Variants in ZNF583 observed in about 807,000 individuals in gnomAD.
ZNF583 encodes zinc finger protein 583.
A neutral mutation model predicts 55.3 loss-of-function variants in ZNF583; 30 were observed. The ratio of observed to expected loss-of-function variants is 0.54; its 90% CI spans 0.41 to 0.74. ZNF583 has a LOEUF of 0.74. Among genes scored for constraint, ZNF583 ranks in the 30% least tolerant of loss-of-function variants. The pLI, the probability that ZNF583 is intolerant of heterozygous loss-of-function variation, is 0.00. For synonymous variants in ZNF583, 208 were observed against 220.0 expected, an observed-to-expected ratio of 0.95 and a Z score of 0.48; for missense variants, 504 against 664.7, an observed-to-expected ratio of 0.76 and a Z score of 2.66.
At chr19:56,421,730 A>T (rs142119384) in intron 4 of ZNF583, among the ~76,000 whole-genome samples, 1 of 152,296 alleles carries the variant, frequency 6.6e-6, no homozygotes, top group East Asian at 1.9e-4. Flanking sequence ...CTATCTGTCC[A>T]GGCTATTTTA....
In ZNF583 at chr19:56,423,025, C is replaced by A; in HGVS notation, c.367C>A (p.Gln123Lys). The change falls in exon 5 of 5, where the codon CAA becomes AAA. Residue 123 changes from glutamine to lysine, a missense_variant. By Grantham distance (53) the Gln-to-Lys change is moderately conservative. Coordinates refer to ENST00000333201, the MANE Select transcript of ZNF583 (RefSeq NM_152478.3). ...CTATCCCAGTTTGAGAGAAGACTGTCAAAGTGAGGACTGGTATAAGAACCA... is the reference window on the plus strand; with the variant it reads ...CTATCCCAGTTTGAGAGAAGACTGTAAAAGTGAGGACTGGTATAAGAACCA... ...LDYPSLREDCQSEDWYKNQLG... is the reference protein window; with the variant it reads ...LDYPSLREDCKSEDWYKNQLG... 6.2e-7 allele frequency: 1 copy of A among 1,613,892 alleles called. No individual in the cohort carries two copies. Among genetic ancestry groups the A allele is most frequent in the South Asian group, 1.1e-5 (1 of 91,056 alleles).
intron 4 of ZNF583, 129 bp from the exon 5 acceptor site, chr19:56,422,762 C>T: frequency 1.7e-6 from 1 of 579,578 alleles, no homozygotes; most frequent in Non-Finnish European, 2.8e-6. Context: ...TTTATAATGT[C>T]ATTATTTTAG....
intron 4 of ZNF583, 81 bp downstream of exon 4, chr19:56,414,521 A>G (rs942618282): frequency 2.1e-5 from 28 of 1,327,710 alleles, no homozygotes; most frequent in South Asian, 1.6e-4. Context: ...TTCATAATTG[A>G]CGTTTCCTGG....
Position 56,414,045 on chromosome 19 carries a change from GA to G in ZNF583, c.99del (p.Val34Ter). The G allele has an allele frequency of 6.2e-7, 1 of 1,608,010 alleles. No individual in the cohort carries two copies. The highest frequency in any genetic ancestry group is 8.5e-7 in the Non-Finnish European group (1 of 1,177,678). On this transcript the variant is annotated frameshift_variant, in exon 3 of 5. Coordinates refer to ENST00000333201, the MANE Select transcript of ZNF583 (RefSeq NM_152478.3). LOFTEE classifies it high-confidence loss of function. ...ACCCTGCTCAGAGGAATTTGTACAG[GA>G]AAGTGATGTTGGAGAACTACAGGAG... ...LNPAQRNLYR[K>X]VMLENYRSLV...
At chr19:56,422,090 G>A (rs527561612) in intron 4 of ZNF583, among the ~76,000 whole-genome samples, 1 of 152,316 alleles carries the variant, frequency 6.6e-6, no homozygotes, top group African/African-American at 2.4e-5. Context: ...AGTGGAGTAA[G>A]CAAGCAAGGG....
rs2042428994 is a variant in ZNF583 at position 56,422,367 on chromosome 19, G to T, written c.233-524G>T. Among the ~76,000 whole-genome samples, 3 of 152,100 alleles carry T rather than the reference G, an allele frequency of 2.0e-5. No individual in the cohort carries two copies. The South Asian group carries it at 6.2e-4, about 32-fold the overall frequency. On this transcript the variant is annotated intron_variant, in intron 4 of 4. Coordinates refer to ENST00000333201, the MANE Select transcript of ZNF583 (RefSeq NM_152478.3). ...GAAAGTTTACATATGGTTGGAGTTT[G>T]TTACATAGAAAATGATTTTCTGGAA... is the stretch of plus-strand genomic sequence containing the variant.
intron 1 of ZNF583, among the ~76,000 whole-genome samples, chr19:56,406,068 C>T (rs1263409083): frequency 6.6e-6 from 1 of 152,170 alleles, no homozygotes; most frequent in Non-Finnish European, 1.5e-5. Context: ...TAGCCTGCTC[C>T]TCCCTCCCTC....
rs2042117402 is a variant in ZNF583 at position 56,404,696 on chromosome 19, G to A, written c.-90+244G>A. 6.6e-6 allele frequency among the ~76,000 whole-genome samples: 1 copy of A among 152,132 alleles called. No individual in the cohort carries two copies. The highest frequency in any genetic ancestry group is 6.5e-5 in the Admixed American group (1 of 15,282). On this transcript the variant is annotated intron_variant, in intron 1 of 4. Coordinates refer to ENST00000333201, the MANE Select transcript of ZNF583 (RefSeq NM_152478.3). This position sits in a 1 kb window ranked among gnomAD's most constrained non-coding sequence, Gnocchi z 5.2. Reference sequence around the variant, plus strand: ...CAGTGTGAGACCATGTGGGACAAATGTGGGACTATGTGTGACAGTATGAGA... The same window carrying A: ...CAGTGTGAGACCATGTGGGACAAATATGGGACTATGTGTGACAGTATGAGA...
At position 56,427,321 on chromosome 19, in the gene ZNF583, TA is replaced by T. The variant is rs1374577810; in HGVS notation, c.*2956del. 1 of 152,212 alleles carries T rather than the reference TA, an allele frequency of 6.6e-6. No homozygotes were observed. The highest frequency in any genetic ancestry group is 1.5e-5 in the Non-Finnish European group (1 of 68,034). The allele number at this position is 152,212 out of a possible 1,614,324, so 9.4% of individuals were successfully genotyped here. On this transcript the variant is annotated 3_prime_UTR_variant, in exon 5 of 5. Transcript: ENST00000333201. ...GAATAAAAATCTAAATGTAAATTAC[TA>T]AAGCAAAAGTATTAGAAAAAATATA...
rs371867207 is a variant in ZNF583 at position 56,423,892 on chromosome 19, G to A, written c.1234G>A (p.Val412Ile). The change falls in exon 5 of 5, where the codon GTA becomes ATA. Residue 412 changes from valine (V) to isoleucine (I), a missense_variant. By Grantham distance (29) the Val-to-Ile change is conservative (BLOSUM62 3). This residue lies in a region of ZNF583 where 237 missense variants were observed against 373.0 expected (regional missense o/e 0.64). Transcript: ENST00000333201. Reference sequence around the variant, plus strand: ...TGGAGAAAAACCTTATGAATGTAAAGTATGTAGGAAAGCCTTCAGCCAAAT... The same window carrying A: ...TGGAGAAAAACCTTATGAATGTAAAATATGTAGGAAAGCCTTCAGCCAAAT... ...HTGEKPYECK[V>I]CRKAFSQIAY... The A allele has an allele frequency of 1.2e-6, 2 of 1,614,042 alleles. No individual in the cohort carries two copies.
chr19:56,419,316 C>T (rs574438112), intron 4 of ZNF583, among the ~76,000 whole-genome samples: 69 of 151,882 alleles, frequency 4.5e-4, no homozygotes, highest in African/African-American at 1.6e-3. Context: ...CTGCCTCAGC[C>T]TCCCGAGTAG....
rs747636215 is a variant in ZNF583 at position 56,422,943 on chromosome 19, T to C, written c.285T>C (p.Tyr95=). Residue 95 remains tyrosine (Y), a synonymous_variant, in exon 5 of 5, where the codon TAT becomes TAC. Transcript: ENST00000333201. The part of the protein sequence containing the change: ...NSEFSSKQET[Y]EESSKVVTVG... ...AATTTTCATCAAAGCAAGAGACATA[T>C]GAAGAATCATCCAAAGTTGTGACAG... 4 of 1,613,302 alleles carry C rather than the reference T, an allele frequency of 2.5e-6. No individual in the cohort carries two copies. Among genetic ancestry groups the C allele is most frequent in the South Asian group, 2.2e-5 (2 of 90,904 alleles).
At chr19:56,405,415 A>C (rs113639759) in intron 1 of ZNF583, among the ~76,000 whole-genome samples, 1 of 152,046 alleles carries the variant, frequency 6.6e-6, no homozygotes, top group South Asian at 2.1e-4. Flanking sequence ...ATGAGAAACT[A>C]TGTGGTTTGT....
chr19:56,412,813 CTCT>C (rs1448557894), intron 2 of ZNF583, among the ~76,000 whole-genome samples: 15 of 152,292 alleles, frequency 9.8e-5, no homozygotes, highest in East Asian at 3.9e-4. Flanking sequence ...TGTAATATCA[CTCT>C]TCTTCTTCTC....
upstream of ZNF583, chr19:56,404,064 G>A (rs1406461517): frequency 6.6e-6 from 1 of 152,632 alleles, no homozygotes; most frequent in Non-Finnish European, 1.5e-5. This position sits in a 1 kb window ranked among gnomAD's most constrained non-coding sequence, Gnocchi z 5.2. Flanking sequence ...AGCCTTTGGG[G>A]ACCTGAACCA....
rs1251520460 is a variant in ZNF583, at chr19:56,426,839, T to C, written c.*2471T>C. Reference sequence around the variant, plus strand: ...CAATTTGTCAACTTCAGAATTTTAATTGGGAAAAGTAGAATTTTATTTTGA... The same window carrying C: ...CAATTTGTCAACTTCAGAATTTTAACTGGGAAAAGTAGAATTTTATTTTGA... On this transcript the variant is annotated 3_prime_UTR_variant, in exon 5 of 5. Coordinates refer to ENST00000333201, the MANE Select transcript of ZNF583 (RefSeq NM_152478.3). The C allele has an allele frequency of 6.6e-6, 1 of 151,876 alleles. No individual in the cohort carries two copies. Among genetic ancestry groups the C allele is most frequent in the African/African-American group, 2.4e-5 (1 of 41,340 alleles). The allele number at this position is 151,876 out of a possible 1,614,324, so 9.4% of individuals were successfully genotyped here.
Position 56,425,680 on chromosome 19 carries a change from T to C in ZNF583, c.*1312T>C, listed in dbSNP as rs538190421. 6.6e-6 allele frequency: 1 copy of C among 152,336 alleles called. No homozygotes were observed. The highest frequency in any genetic ancestry group is 2.4e-5 in the African/African-American group (1 of 41,576). The allele number at this position is 152,336 out of a possible 1,614,324, so 9.4% of individuals were successfully genotyped here. A position where few individuals can be genotyped will look rare whatever the true frequency, so the allele number is the denominator to read the frequency against. On this transcript the variant is annotated 3_prime_UTR_variant, in exon 5 of 5. Coordinates refer to ENST00000333201, the MANE Select transcript of ZNF583 (RefSeq NM_152478.3). ...GTTCTAAATCTGGGTGAATGAATTA[T>C]ATCAAATCTATGTCATTTAAAATAA...
chr19:56,406,530 C>CTTTTT (rs34274240), intron 1 of ZNF583, among the ~76,000 whole-genome samples: 10 of 115,220 alleles, frequency 8.7e-5, no homozygotes, highest in Non-Finnish European at 1.6e-4. Context: ...ATGTTGTATT[C>CTTTTT]TTTTTTTTTT....
intron 4 of ZNF583, among the ~76,000 whole-genome samples, chr19:56,417,197 G>T (rs1460896949): frequency 6.6e-6 from 1 of 152,064 alleles, no homozygotes; most frequent in African/African-American, 2.4e-5. Context: ...TTTTATTTTT[G>T]GGGGGTAAAT....
Sources: allele counts gnomAD v4.1 joint callset (sites outside exome capture counted in the v4.1 genomes callset), GRCh38; gene constraint gnomAD v4.1.1; regional missense constraint gnomAD v4.1.1; non-coding constraint Gnocchi (gnomAD v3.1); transcripts MANE v1.5; gene names NCBI Gene and HGNC (gene_info 2026-07-23, HGNC 2026-07-21).